The following RMND1 variants were observed in gnomAD, a reference collection of about 807,000 sequenced individuals.
RMND1 encodes required for meiotic nuclear division 1 homolog.
In RMND1, 41 loss-of-function variants were observed where a neutral mutation model predicts 54.0. The ratio of observed to expected loss-of-function variants is 0.76; its 90% CI spans 0.59 to 0.98. RMND1 has a LOEUF of 0.98. Among genes scored for constraint, RMND1 ranks in the 50% least tolerant of loss-of-function variants. The probability of loss-of-function intolerance (pLI) is 0.00; values close to 1 mark genes in which losing one functional copy is unlikely to be tolerated. For synonymous variants in RMND1, 183 were observed against 181.7 expected (o/e 1.01, Z -0.06); for missense variants, 457 against 532.0 (o/e 0.86, Z 1.39).
At chr6:151,423,658 T>G (rs1221029606) in intron 6 of RMND1, 27 bp from the exon 7 acceptor site, 3 of 1,440,268 alleles carry the variant, frequency 2.1e-6, no homozygotes, top group Non-Finnish European at 2.9e-6. Flanking sequence ...GATAATACCT[T>G]CTAAATCTTA....
rs1779566917 is a variant in RMND1, at chr6:151,405,179, A to G, written c.*56T>C. Reference sequence around the variant, plus strand: ...GGCACCGCGCCGGGCCGAACATTTAATTTTTGATTGTAGAACTTGAATATC... The same window carrying G: ...GGCACCGCGCCGGGCCGAACATTTAGTTTTTGATTGTAGAACTTGAATATC... On this transcript the variant is annotated 3_prime_UTR_variant, in exon 12 of 12. Transcript: ENST00000444024. 6.5e-7 allele frequency: 1 copy of G among 1,545,468 alleles called. No individual in the cohort carries two copies. Among genetic ancestry groups the G allele is most frequent in the African/African-American group, 1.4e-5 (1 of 73,436 alleles).
In RMND1 at chr6:151,414,568, G is replaced by C. The variant is rs145964841; in HGVS notation, c.1200+2711C>G. On this transcript the variant is annotated intron_variant, in intron 10 of 11. Transcript: ENST00000444024. ...AATTCTGAACACATTTGAAACAAAC[G>C]AAAAAGCAGGAAGTCTCTGCAAAGA... 3.3e-5 allele frequency among the ~76,000 whole-genome samples: 5 copies of C among 152,030 alleles called. No homozygotes were observed. The South Asian group carries it at 1.0e-3, about 32-fold the overall frequency.
At chr6:151,437,972 T>C (rs1270109245) in intron 2 of RMND1, among the ~76,000 whole-genome samples, 3 of 152,298 alleles carry the variant, frequency 2.0e-5, no homozygotes, top group African/African-American at 7.2e-5. Context: ...TACTGGGGAA[T>C]GTGGGGATAA....
rs116201484 is a variant in RMND1 at position 151,417,312 on chromosome 6, C to T, written c.1167G>A (p.Thr389=). ...RENLEGLYDK[T]CQFLSIGRRV... is the part of the protein sequence containing the mutation. ...TTCGGCCAATGCTAAGGAATTGACA[C>T]GTTTTATCGTAAAGTCCTTCCAGGT... Residue 389 remains threonine (T), a synonymous_variant, in exon 10 of 12, where the codon ACG becomes ACA. Transcript: ENST00000444024. The T allele has an allele frequency of 1.3e-4, 212 of 1,613,180 alleles. 1 individual carries two copies. The African/African-American group carries it at 1.9e-3, about 15-fold the overall frequency.
intron 10 of RMND1, chr6:151,411,773 C>A (rs1000349656): frequency 6.6e-6 from 1 of 152,166 alleles, no homozygotes; most frequent in African/African-American, 2.4e-5. Context: ...CAATTCAGAA[C>A]ACAATGAGAT....
At chr6:151,422,262 C>T (rs1040963983) in intron 8 of RMND1, among the ~76,000 whole-genome samples, 6 of 147,674 alleles carry the variant, frequency 4.1e-5, no homozygotes, top group African/African-American at 1.1e-4. Context: ...CTAAATAATA[C>T]AGTATAACAA....
intron 10 of RMND1, among the ~76,000 whole-genome samples, chr6:151,416,069 C>A (rs1292632800): frequency 6.6e-6 from 1 of 151,994 alleles, no homozygotes; most frequent in African/African-American, 2.4e-5. Context: ...ACCTCCACTT[C>A]CTGGGTTCAA....
chr6:151,414,974 A>C (rs1779958383), intron 10 of RMND1, among the ~76,000 whole-genome samples: 1 of 152,052 alleles, frequency 6.6e-6, no homozygotes, highest in East Asian at 1.9e-4. Context: ...AAATTAATAC[A>C]CTCTCAGATG....
In RMND1 at chr6:151,412,410, G is replaced by A. The variant is rs948692574; in HGVS notation, c.1200+4869C>T. On this transcript the variant is annotated intron_variant, in intron 10 of 11. Coordinates refer to ENST00000444024, the MANE Select transcript of RMND1 (RefSeq NM_017909.4). ...GGCCTCAAGTGACCCTCCCATCTCAGCCTCCCAAAGGGCTAGGATTATAAG... is the reference window on the plus strand; with the variant it reads ...GGCCTCAAGTGACCCTCCCATCTCAACCTCCCAAAGGGCTAGGATTATAAG... Among the ~76,000 whole-genome samples the A allele has an allele frequency of 2.0e-5, 3 of 152,008 alleles. No homozygotes were observed. The South Asian group carries it at 6.2e-4, about 31-fold the overall frequency.
intron 2 of RMND1, among the ~76,000 whole-genome samples, chr6:151,442,693 CT>C (rs71790787): frequency 0.12 from 15,181 of 130,394 alleles, 911 homozygotes; most frequent in East Asian, 0.21. Flanking sequence ...GCAAGCCCGG[CT>C]TTTTTTTTTT....
At chr6:151,433,091 T>C (rs1417133169) in intron 4 of RMND1, 64 bp downstream of exon 4, 10 of 1,003,090 alleles carry the variant, frequency 1.0e-5, no homozygotes, top group Non-Finnish European at 1.2e-5. Context: ...GCCTGCACCT[T>C]TAAAGACCAC....
At chr6:151,427,891 A>G (rs1276433591) in intron 5 of RMND1, among the ~76,000 whole-genome samples, 1 of 152,182 alleles carries the variant, frequency 6.6e-6, no homozygotes, top group African/African-American at 2.4e-5. Context: ...TAATAATCCC[A>G]GCATTTTGGG....
intron 2 of RMND1, among the ~76,000 whole-genome samples, chr6:151,441,271 A>G (rs1311872998): frequency 1.3e-5 from 2 of 152,194 alleles, no homozygotes; most frequent in East Asian, 3.9e-4. Flanking sequence ...TTGCTTCTAT[A>G]GTGATATAAT....
Position 151,442,782 on chromosome 6 carries a change from T to G in RMND1, c.504+2526A>C, listed in dbSNP as rs555866983. 1.4e-3 allele frequency among the ~76,000 whole-genome samples: 219 copies of G among 151,860 alleles called. 1 individual carries two copies. Among genetic ancestry groups the G allele is most frequent in the African/African-American group, 4.8e-3 (199 of 41,380 alleles). On this transcript the variant is annotated intron_variant, in intron 2 of 11. Transcript: ENST00000444024. ...CTTCAACTCCTGGCCTCAAGTGGTC[T>G]TTCTGTGTCAGCCTCCCAAAGCACT... is the stretch of plus-strand genomic sequence containing the variant.
intron 1 of RMND1, among the ~76,000 whole-genome samples, chr6:151,446,860 C>T (rs1780966501): frequency 6.6e-6 from 1 of 151,634 alleles, no homozygotes; most frequent in South Asian, 2.1e-4. Flanking sequence ...AGGATTGCCC[C>T]ACTGCACTCC....
chr6:151,422,629 A>G (rs771783835), intron 7 of RMND1, 24 bp from the exon 8 acceptor site: 7 of 1,227,676 alleles, frequency 5.7e-6, no homozygotes, highest in Non-Finnish European at 6.9e-6. Flanking sequence ...TAATAATGGA[A>G]CATTTCTTTA....
intron 1 of RMND1, among the ~76,000 whole-genome samples, chr6:151,446,304 C>T (rs1440930546): frequency 6.6e-6 from 1 of 151,890 alleles, no homozygotes; most frequent in African/African-American, 2.4e-5. Context: ...GATGGCAGCT[C>T]ATGCCTGTAG....
intron 9 of RMND1, chr6:151,418,490 T>C (rs781128313): frequency 6.6e-6 from 1 of 152,088 alleles, no homozygotes. Context: ...AATGTCTTCA[T>C]ATGTCACCCA....
intron 10 of RMND1, chr6:151,413,985 C>T (rs1396074113): frequency 6.6e-6 from 1 of 152,056 alleles, no homozygotes; most frequent in Non-Finnish European, 1.5e-5. Context: ...CGGTGTCTAG[C>T]TTAGAGGAAA....
Sources: gnomAD v4.1 joint callset for allele counts (sites outside exome capture counted in the v4.1 genomes callset) on GRCh38, gnomAD v4.1.1 for gene constraint, MANE v1.5 for transcripts, NCBI Gene and HGNC (gene_info 2026-07-23, HGNC 2026-07-21) for gene names.